ANO2: variants seen among roughly 807,000 people sequenced by gnomAD.
ANO2 encodes the protein anoctamin-2.
Under a neutral mutation model 124.2 loss-of-function variants are expected in ANO2, and 101 were observed. The ratio of observed to expected loss-of-function variants is 0.81; its 90% CI spans 0.69 to 0.96. The LOEUF (loss-of-function observed/expected upper bound fraction) is 0.96, where lower values mean the gene tolerates loss of function less well. ANO2 is among the 40% of genes least tolerant of loss of function. ANO2 has a pLI of 0.00. For missense variants in ANO2, 1,293 were observed against 1,274.5 expected (o/e 1.01, Z -0.22); for synonymous variants, 486 against 482.5 (o/e 1.01, Z -0.09).
intron 23 of ANO2, among the ~76,000 whole-genome samples, chr12:5,573,580 C>T (rs951440670): frequency 1.3e-5 from 2 of 152,282 alleles, no homozygotes; most frequent in East Asian, 3.9e-4. Context: ...CCAAGTCCAG[C>T]ACCATGGACA....
chr12:5,887,567 C>T (rs1408950989), intron 3 of ANO2, among the ~76,000 whole-genome samples: 1 of 152,202 alleles, frequency 6.6e-6, no homozygotes, highest in Non-Finnish European at 1.5e-5. Context: ...TGGGTCACAA[C>T]TTGTTTTCTC....
chr12:5,692,460 A>C (rs1948985216), intron 14 of ANO2, among the ~76,000 whole-genome samples: 1 of 152,182 alleles, frequency 6.6e-6, no homozygotes. Context: ...TGTTAAATTC[A>C]AGAATATGTA....
chr12:5,765,105 G>A lies in ANO2; in HGVS notation c.1056-14135C>T, dbSNP rs762536581. Among the ~76,000 whole-genome samples, 117 of 152,302 alleles carry A rather than the reference G, an allele frequency of 7.7e-4. 2 individuals are homozygous for A. The Middle Eastern group carries it at 0.024, about 31-fold the overall frequency. On this transcript the variant is annotated intron_variant, in intron 10 of 24. Coordinates refer to ENST00000682330, the MANE Select transcript of ANO2 (RefSeq NM_001364791.2). Reference sequence around the variant, plus strand: ...GAGACCTGGAAAAGGAAGGAAGAAAGGGCAGAATGCATTAAAGTAAGAATG... The same window carrying A: ...GAGACCTGGAAAAGGAAGGAAGAAAAGGCAGAATGCATTAAAGTAAGAATG...
At chr12:5,774,137 A>C (rs1400420610) in intron 10 of ANO2, among the ~76,000 whole-genome samples, 3 of 152,134 alleles carry the variant, frequency 2.0e-5, no homozygotes, top group Non-Finnish European at 4.4e-5. Flanking sequence ...TAATAATAAT[A>C]AACCTTTTCC....
Position 5,903,701 on chromosome 12 carries a change from A to G in ANO2, c.534+17339T>C, listed in dbSNP as rs1211427039. ...TGGGTGTAGACAGCAAGGTCTGTGC[A>G]GACAATTCACAATTATCCAAACTGG... On this transcript the variant is annotated intron_variant, in intron 3 of 24. Coordinates refer to ENST00000682330, the MANE Select transcript of ANO2 (RefSeq NM_001364791.2). 4.0e-5 allele frequency among the ~76,000 whole-genome samples: 6 copies of G among 151,678 alleles called. No individual in the cohort carries two copies. In the East Asian group the frequency reaches 1.2e-3, roughly 30 times the overall value.
In ANO2 at chr12:5,586,348, C is replaced by T. The variant is rs75484550; in HGVS notation, c.2234-7830G>A. 8.5e-5 allele frequency among the ~76,000 whole-genome samples: 13 copies of T among 152,308 alleles called. No homozygotes were observed. The East Asian group carries it at 1.4e-3, about 16-fold the overall frequency. ...CGATGCTGCCTCAATTGTGTTTAAACGCCATTTGGAGAAGATGGCAGGAGC... is the reference window on the plus strand; with the variant it reads ...CGATGCTGCCTCAATTGTGTTTAAATGCCATTTGGAGAAGATGGCAGGAGC... On this transcript the variant is annotated intron_variant, in intron 20 of 24. Transcript: ENST00000682330.
At chr12:5,617,717 C>G (rs546039032) in intron 16 of ANO2, among the ~76,000 whole-genome samples, 1 of 152,258 alleles carries the variant, frequency 6.6e-6, no homozygotes, top group African/African-American at 2.4e-5. Flanking sequence ...ACCTCAAGAT[C>G]ACACTGTACC....
chr12:5,811,621 A>G (rs1407343513), intron 7 of ANO2, among the ~76,000 whole-genome samples: 1 of 152,250 alleles, frequency 6.6e-6, no homozygotes, highest in Non-Finnish European at 1.5e-5. Context: ...TGAAGGAGCA[A>G]GAAAGGTGTT....
chr12:5,837,507 G>A (rs1293226797), intron 4 of ANO2, among the ~76,000 whole-genome samples: 2 of 121,880 alleles, frequency 1.6e-5, no homozygotes, highest in Non-Finnish European at 3.2e-5. Flanking sequence ...TCCCCAGAGT[G>A]TGATGTTCCC....
chr12:5,924,430 T>G (rs1244142572), intron 1 of ANO2, among the ~76,000 whole-genome samples: 1 of 152,200 alleles, frequency 6.6e-6, no homozygotes, highest in Non-Finnish European at 1.5e-5. Context: ...CTGGGGTAAC[T>G]GAGCCAGAGC....
intron 3 of ANO2, among the ~76,000 whole-genome samples, chr12:5,872,638 A>G (rs997456491): frequency 2.8e-4 from 42 of 151,978 alleles, no homozygotes; most frequent in Admixed American, 1.2e-3. Context: ...TTACATCTTA[A>G]TTTTTTTTAA....
At chr12:5,784,223 G>C (rs980353086) in intron 10 of ANO2, among the ~76,000 whole-genome samples, 2 of 151,752 alleles carry the variant, frequency 1.3e-5, no homozygotes, top group Non-Finnish European at 1.5e-5. Context: ...TCAAAACTCA[G>C]CTTAGCCACT....
At chr12:5,763,672 G>A (rs2362473) in intron 10 of ANO2, among the ~76,000 whole-genome samples, 93,542 of 151,868 alleles carry the variant, frequency 0.62, 30,508 homozygotes, top group African/African-American at 0.84. Context: ...ACAAAACAGC[G>A]TATCAAGATT....
intron 14 of ANO2, among the ~76,000 whole-genome samples, chr12:5,661,721 T>C (rs1021209837): frequency 1.3e-5 from 2 of 152,162 alleles, no homozygotes; most frequent in African/African-American, 4.8e-5. Context: ...AATACCCCGA[T>C]TCCTGGCCCT....
intron 13 of ANO2, among the ~76,000 whole-genome samples, chr12:5,737,349 A>G (rs1480120534): frequency 1.3e-5 from 2 of 152,222 alleles, no homozygotes; most frequent in East Asian, 3.8e-4. Flanking sequence ...GGAAGTTACC[A>G]TGGCTCATTG....
At chr12:5,692,820 C>T (rs1334742003) in intron 14 of ANO2, among the ~76,000 whole-genome samples, 12 of 152,056 alleles carry the variant, frequency 7.9e-5, no homozygotes, top group Non-Finnish European at 1.2e-4. Context: ...GGAACGCTTC[C>T]GCCAGGCAAA....
At chr12:5,732,879 T>G in intron 13 of ANO2, 1 of 1,613,966 alleles carries the variant, frequency 6.2e-7, no homozygotes, top group Non-Finnish European at 8.5e-7. Context: ...GGCACGTTCC[T>G]GGGGATAGCG....
At chr12:5,748,968 A>C (rs1000752474) in intron 11 of ANO2, among the ~76,000 whole-genome samples, 1 of 152,030 alleles carries the variant, frequency 6.6e-6, no homozygotes, top group East Asian at 1.9e-4. Context: ...CAAGTGATTT[A>C]GCTTTATTCT....
intron 3 of ANO2, among the ~76,000 whole-genome samples, chr12:5,869,301 G>C (rs184220619): frequency 1.3e-4 from 20 of 152,180 alleles, no homozygotes; most frequent in African/African-American, 3.9e-4. Context: ...ACTCTTCTGT[G>C]CTCGGCAGGG....
Sources: gnomAD v4.1 joint callset for allele counts (sites outside exome capture counted in the v4.1 genomes callset) on GRCh38, gnomAD v4.1.1 for gene constraint, MANE v1.5 for transcripts, NCBI Gene and HGNC (gene_info 2026-07-23, HGNC 2026-07-21) for gene names.